Variants in SPAG16 observed in about 807,000 individuals in gnomAD.
SPAG16 encodes sperm-associated antigen 16 protein.
A neutral mutation model predicts 80.4 loss-of-function variants in SPAG16; 86 were observed. The observed-to-expected ratio is 1.07, with a 90% CI of 0.90 to 1.28. The LOEUF (loss-of-function observed/expected upper bound fraction) is 1.28. SPAG16 is among the 50% of genes most tolerant of loss of function. The probability of loss-of-function intolerance (pLI) is 0.00; values close to 1 mark genes in which losing one functional copy is unlikely to be tolerated. For synonymous variants in SPAG16, 294 were observed against 265.9 expected, an observed-to-expected ratio of 1.11 and a Z score of -1.03; for missense variants, 870 against 765.3, an observed-to-expected ratio of 1.14 and a Z score of -1.61.
intron 15 of SPAG16, among the ~76,000 whole-genome samples, chr2:214,397,685 A>G (rs1353162181): frequency 6.6e-6 from 1 of 152,228 alleles, no homozygotes; most frequent in Non-Finnish European, 1.5e-5. Context: ...ATTTATTTGC[A>G]TAAGAGTCTT....
rs565150181 is a variant in SPAG16 at position 213,507,461 on chromosome 2, G to A, written c.1070+17371G>A. Reference sequence around the variant, plus strand: ...CCAAACAAAAGAAAACACATCTCATGATAGTTTAAGTATTAGATTAAATGA... The same window carrying A: ...CCAAACAAAAGAAAACACATCTCATAATAGTTTAAGTATTAGATTAAATGA... On this transcript the variant is annotated intron_variant, in intron 10 of 15. Coordinates refer to ENST00000331683, the MANE Select transcript of SPAG16 (RefSeq NM_024532.5). Among the ~76,000 whole-genome samples the A allele has an allele frequency of 4.6e-5, 7 of 152,314 alleles. No homozygotes were observed. The South Asian group carries it at 8.3e-4, about 18-fold the overall frequency.
intron 10 of SPAG16, among the ~76,000 whole-genome samples, chr2:213,720,116 C>G (rs775625388): frequency 6.6e-6 from 1 of 152,050 alleles, no homozygotes; most frequent in African/African-American, 2.4e-5. Flanking sequence ...TGTTCTCACT[C>G]ATAAGTGGGA....
At chr2:213,340,111 T>A in intron 5 of SPAG16, 52 bp from the exon 6 acceptor site, 1 of 1,223,450 alleles carries the variant, frequency 8.2e-7, no homozygotes. Context: ...GACTAAATAA[T>A]TTTTCGAAAA....
At chr2:213,660,816 A>G (rs1036954770) in intron 10 of SPAG16, among the ~76,000 whole-genome samples, 1 of 152,228 alleles carries the variant, frequency 6.6e-6, no homozygotes, top group Admixed American at 6.5e-5. Context: ...TTCAAAAGAA[A>G]TGCTAAACCA....
intron 15 of SPAG16, among the ~76,000 whole-genome samples, chr2:214,258,149 A>G (rs1199544090): frequency 6.6e-6 from 1 of 151,894 alleles, no homozygotes; most frequent in Non-Finnish European, 1.5e-5. Context: ...GGTTATGTAG[A>G]AGTTCTTTAG....
intron 10 of SPAG16, among the ~76,000 whole-genome samples, chr2:213,643,534 G>A (rs2125121943): frequency 6.8e-6 from 1 of 148,004 alleles, no homozygotes; most frequent in East Asian, 2.0e-4. Context: ...TCTTGTACTT[G>A]GATATCGGTA....
At chr2:214,381,716 T>C (rs965909582) in intron 15 of SPAG16, among the ~76,000 whole-genome samples, 3 of 152,228 alleles carry the variant, frequency 2.0e-5, no homozygotes, top group African/African-American at 4.8e-5. Context: ...ACAGTTTTTC[T>C]GGCCCTGGAG....
chr2:214,040,566 TACTA>T (rs1318677778), intron 13 of SPAG16, among the ~76,000 whole-genome samples: 2 of 152,164 alleles, frequency 1.3e-5, no homozygotes, highest in Non-Finnish European at 1.5e-5. Context: ...TGTGTTAGTT[TACTA>T]ACTAAGGATA....
Position 214,312,072 on chromosome 2 carries a change from A to C in SPAG16, c.1721-98068A>C, listed in dbSNP as rs540869899. 3.0e-4 allele frequency among the ~76,000 whole-genome samples: 45 copies of C among 152,342 alleles called. No homozygotes were observed. In the South Asian group the frequency reaches 5.0e-3, roughly 17 times the overall value. ...AAGTATCTCCACACTAATAAGAGGA[A>C]TTATTCAAAGAAAGAAAAAATATTT... On this transcript the variant is annotated intron_variant, in intron 15 of 15. Transcript: ENST00000331683.
intron 10 of SPAG16, among the ~76,000 whole-genome samples, chr2:213,650,745 C>A (rs910451225): frequency 6.6e-6 from 1 of 152,140 alleles, no homozygotes; most frequent in Non-Finnish European, 1.5e-5. Flanking sequence ...ACAGGTTCTA[C>A]AGACAAGGGA....
At chr2:213,763,761 G>A (rs1006059594) in intron 10 of SPAG16, among the ~76,000 whole-genome samples, 1 of 152,124 alleles carries the variant, frequency 6.6e-6, no homozygotes, top group African/African-American at 2.4e-5. Context: ...ACCGTTCGTT[G>A]CACTCATGAT....
chr2:213,886,741 A>G (rs1157558931), intron 11 of SPAG16, among the ~76,000 whole-genome samples: 1 of 149,932 alleles, frequency 6.7e-6, no homozygotes, highest in Non-Finnish European at 1.5e-5. Flanking sequence ...ACCGTTTATG[A>G]AAAAAAAAAC....
chr2:213,686,947 T>G (rs551413213), intron 10 of SPAG16, among the ~76,000 whole-genome samples: 1 of 152,170 alleles, frequency 6.6e-6, no homozygotes, highest in African/African-American at 2.4e-5. Flanking sequence ...CCTCCCAAAG[T>G]GCTGGGATTA....
intron 1 of SPAG16, among the ~76,000 whole-genome samples, chr2:213,294,245 G>A (rs2062411655): frequency 6.6e-6 from 1 of 152,172 alleles, no homozygotes; most frequent in African/African-American, 2.4e-5. Flanking sequence ...GGAGTAGGGT[G>A]TTAAATAAGA....
chr2:213,833,576 T>TAATAA (rs1553640563), intron 10 of SPAG16, among the ~76,000 whole-genome samples: 1 of 20,018 alleles, frequency 5.0e-5, no homozygotes, highest in African/African-American at 1.6e-4. Flanking sequence ...AATATATATA[T>TAATAA]AATATATATA....
At chr2:213,768,381 G>C (rs1212434203) in intron 10 of SPAG16, among the ~76,000 whole-genome samples, 1 of 152,310 alleles carries the variant, frequency 6.6e-6, no homozygotes, top group East Asian at 1.9e-4. Context: ...TTGCAGATGA[G>C]CAAGAGTGTA....
chr2:213,665,124 C>T (rs1195565000), intron 10 of SPAG16, among the ~76,000 whole-genome samples: 1 of 151,976 alleles, frequency 6.6e-6, no homozygotes, highest in East Asian at 1.9e-4. Context: ...ATTTCTGGTT[C>T]TCTGATGGTA....
At chr2:213,442,018 C>T (rs1484017095) in intron 9 of SPAG16, among the ~76,000 whole-genome samples, 4 of 152,158 alleles carry the variant, frequency 2.6e-5, no homozygotes, top group African/African-American at 9.7e-5. Context: ...CGTAGTGGCA[C>T]ATGCCTATAA....
chr2:213,488,931 C>T (rs980873272), intron 9 of SPAG16, among the ~76,000 whole-genome samples: 7 of 151,524 alleles, frequency 4.6e-5, no homozygotes, highest in Non-Finnish European at 1.0e-4. Flanking sequence ...AAAAATTACC[C>T]GGGCGTGGTG....
Sources: allele counts gnomAD v4.1 joint callset (sites outside exome capture counted in the v4.1 genomes callset), GRCh38; gene constraint gnomAD v4.1.1; transcripts MANE v1.5; gene names NCBI Gene and HGNC (gene_info 2026-07-23, HGNC 2026-07-21).